EXOC2: variants seen among roughly 807,000 people sequenced by gnomAD.
The protein encoded by EXOC2 is exocyst complex component 2.
A neutral mutation model predicts 131.8 loss-of-function variants in EXOC2; 70 were observed. The observed-to-expected ratio is 0.53, with a 90% CI of 0.44 to 0.65. EXOC2 has a LOEUF of 0.65. Among genes scored for constraint, EXOC2 ranks in the 30% least tolerant of loss-of-function variants. EXOC2 has a pLI of 0.00. For missense variants in EXOC2, 923 were observed against 1,108.6 expected, an observed-to-expected ratio of 0.83 and a Z score of 2.38; for synonymous variants, 411 against 398.4, an observed-to-expected ratio of 1.03 and a Z score of -0.38.
intron 27 of EXOC2, among the ~76,000 whole-genome samples, chr6:487,461 C>G (rs970575042): frequency 6.6e-6 from 1 of 152,130 alleles, no homozygotes; most frequent in Admixed American, 6.5e-5. Context: ...GGCTGGAGTG[C>G]AGTGGCGCGA....
At chr6:492,019 C>A (rs750938525) in intron 25 of EXOC2, among the ~76,000 whole-genome samples, 1 of 152,140 alleles carries the variant, frequency 6.6e-6, no homozygotes, top group Non-Finnish European at 1.5e-5. Flanking sequence ...GATCACAGAT[C>A]TAAATGTAAG....
chr6:656,908 G>C lies in EXOC2; in HGVS notation c.-43-19047C>G, dbSNP rs780110730. ...CCGCTGACGTGAATGAACAGCTCTAGACAGCCTTTGCCGGTGATCTTGGCG... is the reference window on the plus strand; with the variant it reads ...CCGCTGACGTGAATGAACAGCTCTACACAGCCTTTGCCGGTGATCTTGGCG... On this transcript the variant is annotated intron_variant, in intron 1 of 27. Coordinates refer to ENST00000230449, the MANE Select transcript of EXOC2 (RefSeq NM_018303.6). 4 of 1,557,684 alleles carry C rather than the reference G, an allele frequency of 2.6e-6. No homozygotes were observed. The African/African-American group carries it at 4.1e-5, about 16-fold the overall frequency.
intron 2 of EXOC2, among the ~76,000 whole-genome samples, chr6:635,567 T>C (rs1762060426): frequency 1.3e-5 from 2 of 152,274 alleles, no homozygotes; most frequent in Admixed American, 6.5e-5. Flanking sequence ...CTTCATGAAA[T>C]AAAATAGCAC....
chr6:523,705 A>G (rs1006566334), intron 23 of EXOC2, among the ~76,000 whole-genome samples: 1 of 152,188 alleles, frequency 6.6e-6, no homozygotes, highest in African/African-American at 2.4e-5. Flanking sequence ...GTTTTTTGAG[A>G]CAGGGTCTCT....
chr6:652,895 C>T (rs141771543), intron 1 of EXOC2, among the ~76,000 whole-genome samples: 2 of 152,242 alleles, frequency 1.3e-5, no homozygotes, highest in Non-Finnish European at 2.9e-5. Context: ...GCAAGCCTAT[C>T]AGTGCCATTC....
At chr6:609,986 T>C (rs1306650926) in intron 7 of EXOC2, 112 bp downstream of exon 7, 2 of 779,350 alleles carry the variant, frequency 2.6e-6, no homozygotes, top group Non-Finnish European at 2.1e-6. Context: ...TATTTAGAAA[T>C]AAATAGTAAA....
At chr6:685,776 A>G (rs564289991) in intron 1 of EXOC2, among the ~76,000 whole-genome samples, 12 of 152,056 alleles carry the variant, frequency 7.9e-5, no homozygotes, top group Non-Finnish European at 1.6e-4. Context: ...ACGGCCTGAT[A>G]AGGGCAGAAG....
intron 12 of EXOC2, among the ~76,000 whole-genome samples, chr6:573,489 C>T (rs1034232422): frequency 7.2e-5 from 11 of 152,108 alleles, no homozygotes; most frequent in Admixed American, 2.6e-4. Context: ...AATGACGCCG[C>T]GGATCAGGCT....
At chr6:625,268 C>A (rs9405865) in intron 4 of EXOC2, among the ~76,000 whole-genome samples, 118,116 of 152,152 alleles carry the variant, frequency 0.78, 46,302 homozygotes, top group African/African-American at 0.87. Flanking sequence ...AATCAATGGG[C>A]CTCCTTCTGA....
At chr6:656,935 G>A in intron 1 of EXOC2, 5 of 1,522,494 alleles carry the variant, frequency 3.3e-6, no homozygotes, top group Non-Finnish European at 4.4e-6. Context: ...ATCTTGGCGC[G>A]AAACTTCATG....
chr6:528,416 C>T (rs1348277562), intron 23 of EXOC2, among the ~76,000 whole-genome samples: 1 of 152,152 alleles, frequency 6.6e-6, no homozygotes, highest in Non-Finnish European at 1.5e-5. Context: ...CACAAGGTCT[C>T]AACTTAAGTC....
intron 23 of EXOC2, among the ~76,000 whole-genome samples, chr6:518,274 G>A: frequency 9.2e-6 from 1 of 108,622 alleles, no homozygotes; most frequent in African/African-American, 4.2e-5. Context: ...GAGCCCAGGG[G>A]CACAGATCAG....
chr6:660,407 C>T (rs970281179), intron 1 of EXOC2, among the ~76,000 whole-genome samples: 2 of 152,188 alleles, frequency 1.3e-5, no homozygotes, highest in Non-Finnish European at 2.9e-5. Flanking sequence ...CACCCTCCGC[C>T]ACCTCCACTG....
At chr6:659,996 G>C (rs1292575589) in intron 1 of EXOC2, among the ~76,000 whole-genome samples, 1 of 136,776 alleles carries the variant, frequency 7.3e-6, no homozygotes. Context: ...CAGGGCTGTT[G>C]GGGGGGGGAC....
At chr6:533,517 G>A (rs186938972) in intron 22 of EXOC2, among the ~76,000 whole-genome samples, 206 of 152,178 alleles carry the variant, frequency 1.4e-3, no homozygotes, top group African/African-American at 4.5e-3. Flanking sequence ...CCAGACACAC[G>A]CTCGCTGTCA....
chr6:516,662 G>C (rs1408963706), intron 23 of EXOC2, among the ~76,000 whole-genome samples: 2 of 152,242 alleles, frequency 1.3e-5, no homozygotes, highest in South Asian at 2.1e-4. Flanking sequence ...AGCTGGGCTG[G>C]GGGAAGAGGA....
At chr6:615,207 G>C (rs957884053) in intron 6 of EXOC2, among the ~76,000 whole-genome samples, 20 of 149,388 alleles carry the variant, frequency 1.3e-4, no homozygotes, top group African/African-American at 4.6e-4. Flanking sequence ...GTGTGTGTGT[G>C]TGTATGTATG....
intron 25 of EXOC2, among the ~76,000 whole-genome samples, chr6:492,850 A>C (rs1284508958): frequency 1.3e-5 from 2 of 152,244 alleles, no homozygotes; most frequent in Non-Finnish European, 2.9e-5. Flanking sequence ...CTTTGAATAT[A>C]CCAAAAATCA....
At chr6:545,613 A>G (rs1347153191) in intron 22 of EXOC2, among the ~76,000 whole-genome samples, 1 of 152,230 alleles carries the variant, frequency 6.6e-6, no homozygotes, top group Non-Finnish European at 1.5e-5. Flanking sequence ...ATTTTAACCT[A>G]TCGAATTAAA....
Sources: allele counts gnomAD v4.1 joint callset (sites outside exome capture counted in the v4.1 genomes callset), GRCh38; gene constraint gnomAD v4.1.1; transcripts MANE v1.5; gene names NCBI Gene and HGNC (gene_info 2026-07-23, HGNC 2026-07-21).